NSF: variants seen among roughly 807,000 people sequenced by gnomAD.
NSF encodes N-ethylmaleimide sensitive factor, vesicle fusing ATPase, also known as vesicle-fusing ATPase.
In NSF, 14 loss-of-function variants were observed where a neutral mutation model predicts 50.3. The ratio of observed to expected loss-of-function variants is 0.28; its 90% CI spans 0.18 to 0.44. The LOEUF (loss-of-function observed/expected upper bound fraction) is 0.44. NSF is among the 20% of genes least tolerant of loss of function. The probability of loss-of-function intolerance (pLI) is 1.00; values close to 1 mark genes in which losing one functional copy is unlikely to be tolerated. For missense variants in NSF, 218 were observed against 504.3 expected (o/e 0.43, Z 5.44); for synonymous variants, 109 against 175.7 (o/e 0.62, Z 3.00).
In NSF at chr17:46,715,331, CTGTTTTTCTT is replaced by C. The variant is rs567698170; in HGVS notation, c.1761+1354_1761+1363del. 3.5e-3 allele frequency among the ~76,000 whole-genome samples: 539 copies of C among 152,266 alleles called. 1 individual carries two copies. Among genetic ancestry groups the C allele is most frequent in the South Asian group, 0.012 (56 of 4,818 alleles). On this transcript the variant is annotated intron_variant, in intron 15 of 20. Transcript: ENST00000398238. The stretch of plus-strand genomic sequence containing the variant: ...AGTGATTTCCCTAGAGTAGGTAGGG[CTGTTTTTCTT>C]TGTTTTTCGTTTTCCCTCTGATGGG...
chr17:46,726,427 G>T (rs2146292032), intron 15 of NSF, 122 bp from the exon 16 acceptor site: 2 of 871,700 alleles, frequency 2.3e-6, no homozygotes, highest in East Asian at 4.9e-5. Flanking sequence ...ATTTATTGTA[G>T]TCCAAAGTGT....
chr17:46,737,653 T>C (rs2059021423), intron 17 of NSF, among the ~76,000 whole-genome samples: 1 of 151,152 alleles, frequency 6.6e-6, no homozygotes, highest in South Asian at 2.1e-4. Context: ...CAATCCAGGG[T>C]GGGAGAAAGA....
At chr17:46,730,361 G>A (rs2058937260) in intron 17 of NSF, among the ~76,000 whole-genome samples, 1 of 152,122 alleles carries the variant, frequency 6.6e-6, no homozygotes, top group Non-Finnish European at 1.5e-5. Context: ...GGAGAAGGAA[G>A]ATTAACTTCA....
intron 20 of NSF, chr17:46,755,599 T>C (rs1441591475): frequency 1.4e-6 from 1 of 696,800 alleles, no homozygotes; most frequent in Non-Finnish European, 2.4e-6. Context: ...AACTTAATGG[T>C]ACATATTTAT....
chr17:46,717,999 TG>T (rs1166037004), intron 15 of NSF, among the ~76,000 whole-genome samples: 1 of 152,100 alleles, frequency 6.6e-6, no homozygotes, highest in Non-Finnish European at 1.5e-5. Flanking sequence ...TAGTGGTGGG[TG>T]GTAGCCTGCT....
intron 14 of NSF, among the ~76,000 whole-genome samples, chr17:46,712,812 C>T (rs564441364): frequency 6.6e-6 from 1 of 151,832 alleles, no homozygotes; most frequent in South Asian, 2.1e-4. Flanking sequence ...GCAAGAGTAA[C>T]CAGAGAGGAA....
chr17:46,622,365 G>A (rs2058074724), intron 1 of NSF, among the ~76,000 whole-genome samples: 1 of 150,212 alleles, frequency 6.7e-6, no homozygotes, highest in Non-Finnish European at 1.5e-5. Flanking sequence ...GGCTGAGGCA[G>A]GAGAATGGCG....
At chr17:46,626,262 A>G (rs2058098619) in intron 2 of NSF, among the ~76,000 whole-genome samples, 2 of 100,210 alleles carry the variant, frequency 2.0e-5, no homozygotes, top group African/African-American at 1.1e-4. Context: ...TAGGATGTGA[A>G]GTAATTCTCA....
At chr17:46,631,076 A>ACACACACACACACACACACACACACG in intron 4 of NSF, among the ~76,000 whole-genome samples, 1 of 144,698 alleles carries the variant, frequency 6.9e-6, no homozygotes, top group South Asian at 2.2e-4. Flanking sequence ...ACACACACAC[A>ACACACACACACACACACACACACACG]CACACACACA....
rs530345654 is a variant in NSF at position 46,737,952 on chromosome 17, A to ATTG, written c.1908+9018_1908+9019insTTG. On this transcript the variant is annotated intron_variant, in intron 17 of 20. Coordinates refer to ENST00000398238, the MANE Select transcript of NSF (RefSeq NM_006178.4). ...TATTATTATTATTATTATTATTATT[A>ATTG]GAGATAGGATCTTGCTGTGTTGCCC... is the stretch of plus-strand genomic sequence containing the variant. 0.027 allele frequency among the ~76,000 whole-genome samples: 3,832 copies of ATTG among 139,920 alleles called. 349 individuals are homozygous for ATTG. In the East Asian group the frequency reaches 0.31, roughly 11 times the overall value. 91.8% of individuals were successfully genotyped at this position (139,920 alleles called of 152,430 possible).
rs1456544292 is a variant in NSF at position 46,719,296 on chromosome 17, C to G, written c.1761+5310C>G. 6.6e-6 allele frequency among the ~76,000 whole-genome samples: 1 copy of G among 152,110 alleles called. No individual in the cohort carries two copies. Among genetic ancestry groups the G allele is most frequent in the African/African-American group, 2.4e-5 (1 of 41,412 alleles). Reference sequence around the variant, plus strand: ...TAGTTAATTCATAGAGCATCTTTACCTACCACTTTATTACTTAAACCAACA... The same window carrying G: ...TAGTTAATTCATAGAGCATCTTTACGTACCACTTTATTACTTAAACCAACA... On this transcript the variant is annotated intron_variant, in intron 15 of 20. Coordinates refer to ENST00000398238, the MANE Select transcript of NSF (RefSeq NM_006178.4). This position sits in a 1 kb window ranked among gnomAD's most constrained non-coding sequence, Gnocchi z 4.3.
At chr17:46,714,269 A>AC (rs2058746601) in intron 15 of NSF, among the ~76,000 whole-genome samples, 1 of 152,234 alleles carries the variant, frequency 6.6e-6, no homozygotes, top group South Asian at 2.1e-4. Flanking sequence ...AAAGAGTTAT[A>AC]GTTGAAAGTG....
intron 15 of NSF, among the ~76,000 whole-genome samples, chr17:46,721,054 C>T (rs2058825616): frequency 6.6e-6 from 1 of 152,166 alleles, no homozygotes; most frequent in South Asian, 2.1e-4. Flanking sequence ...AAGAGCTTGC[C>T]GTGTCCTTGA....
At chr17:46,744,071 T>G (rs1000776956) in intron 17 of NSF, among the ~76,000 whole-genome samples, 1 of 152,106 alleles carries the variant, frequency 6.6e-6, no homozygotes, top group Admixed American at 6.6e-5. Context: ...ATAACCCCCC[T>G]CCAGGAAACT....
intron 15 of NSF, chr17:46,721,798 T>G: frequency 3.1e-6 from 5 of 1,602,072 alleles, no homozygotes; most frequent in Non-Finnish European, 4.3e-6. Flanking sequence ...CGTGCACAGC[T>G]GTCAGAGTAC....
chr17:46,753,430 C>G (rs1416592594), intron 19 of NSF, among the ~76,000 whole-genome samples: 4 of 152,068 alleles, frequency 2.6e-5, no homozygotes, highest in South Asian at 4.1e-4. Context: ...TTCAGATGGA[C>G]TATTTTTAAG....
chr17:46,720,019 C>G (rs1340577433), intron 15 of NSF, among the ~76,000 whole-genome samples: 2 of 152,110 alleles, frequency 1.3e-5, no homozygotes, highest in African/African-American at 4.8e-5. Flanking sequence ...CCTGTAAATC[C>G]CACTGCAAAT....
In NSF at chr17:46,719,194, G is replaced by A. The variant is rs1246745390; in HGVS notation, c.1761+5208G>A. Reference sequence around the variant, plus strand: ...GCTCAAATTTAAGATTTTTCAAAATGTTTTGCAATGACAATAGTCTGTGAA... The same window carrying A: ...GCTCAAATTTAAGATTTTTCAAAATATTTTGCAATGACAATAGTCTGTGAA... On this transcript the variant is annotated intron_variant, in intron 15 of 20. Coordinates refer to ENST00000398238, the MANE Select transcript of NSF (RefSeq NM_006178.4). The surrounding 1 kb of genome is among the most constrained non-coding windows in gnomAD (Gnocchi z 4.3). 6.6e-6 allele frequency among the ~76,000 whole-genome samples: 1 copy of A among 152,130 alleles called. No individual in the cohort carries two copies. The highest frequency in any genetic ancestry group is 1.5e-5 in the Non-Finnish European group (1 of 68,006).
At chr17:46,703,708 A>G (rs2146245628) in intron 12 of NSF, among the ~76,000 whole-genome samples, 1 of 151,388 alleles carries the variant, frequency 6.6e-6, no homozygotes, top group Middle Eastern at 3.4e-3. Context: ...AAAAAAACAA[A>G]AAACAGAAAA....
Sources: allele counts gnomAD v4.1 joint callset (sites outside exome capture counted in the v4.1 genomes callset), GRCh38; gene constraint gnomAD v4.1.1; non-coding constraint Gnocchi (gnomAD v3.1); transcripts MANE v1.5; gene names NCBI Gene and HGNC (gene_info 2026-07-23, HGNC 2026-07-21).